DPP10: variants seen among roughly 807,000 people sequenced by gnomAD.
DPP10 encodes dipeptidyl peptidase like 10.
DPP10 carries 33 observed loss-of-function variants against 120.9 expected under a neutral mutation model. That is an observed-to-expected ratio of 0.27 (90% CI 0.21 to 0.37). The LOEUF (loss-of-function observed/expected upper bound fraction) is 0.37. Ranked by LOEUF, DPP10 falls within the 10% of genes least tolerant of loss-of-function variation. The pLI is 1.00. For synonymous variants in DPP10, 337 were observed against 326.1 expected, an observed-to-expected ratio of 1.03 and a Z score of -0.36; for missense variants, 816 against 942.8, an observed-to-expected ratio of 0.87 and a Z score of 1.76.
chr2:115,742,263 C>T (rs944765818), intron 9 of DPP10, among the ~76,000 whole-genome samples: 1 of 152,082 alleles, frequency 6.6e-6, no homozygotes, highest in African/African-American at 2.4e-5. Flanking sequence ...CACAGGTCAA[C>T]AATTTGTATT....
intron 3 of DPP10, among the ~76,000 whole-genome samples, chr2:115,348,735 C>G (rs181844016): frequency 1.3e-5 from 2 of 152,092 alleles, no homozygotes; most frequent in African/African-American, 4.8e-5. Context: ...ATTTTAAATA[C>G]ATTTGGGTTC....
At chr2:115,343,978 T>C in intron 3 of DPP10, 66 bp downstream of exon 3, 2 of 1,369,326 alleles carry the variant, frequency 1.5e-6, no homozygotes, top group South Asian at 2.8e-5. Flanking sequence ...TTTTAAAAAA[T>C]GAGATGTGTA....
chr2:114,786,540 T>A (rs1324285117), intron 1 of DPP10, among the ~76,000 whole-genome samples: 1 of 152,174 alleles, frequency 6.6e-6, no homozygotes, highest in Non-Finnish European at 1.5e-5. Flanking sequence ...AGCACAGATA[T>A]CCACAATTCT....
intron 1 of DPP10, among the ~76,000 whole-genome samples, chr2:114,792,461 A>C (rs1470549682): frequency 6.6e-6 from 1 of 152,238 alleles, no homozygotes; most frequent in Admixed American, 6.5e-5. Context: ...AAGTAGAACT[A>C]TTCTACAAAA....
At chr2:114,693,455 T>A (rs1699888435) in intron 1 of DPP10, among the ~76,000 whole-genome samples, 1 of 151,992 alleles carries the variant, frequency 6.6e-6, no homozygotes, top group Non-Finnish European at 1.5e-5. Flanking sequence ...CCACTGTTAG[T>A]CTGATGGCTT....
intron 1 of DPP10, among the ~76,000 whole-genome samples, chr2:115,300,928 T>C (rs949017916): frequency 6.6e-6 from 1 of 152,006 alleles, no homozygotes; most frequent in Non-Finnish European, 1.5e-5. Context: ...GAAAATTGGG[T>C]GTCTGAAAAA....
intron 1 of DPP10, among the ~76,000 whole-genome samples, chr2:114,942,287 GTATATATATACATA>G (rs1351651353): frequency 8.9e-6 from 1 of 112,804 alleles, no homozygotes; most frequent in African/African-American, 3.8e-5. Flanking sequence ...AAAAAAATGT[GTATATATATACATA>G]TATATATATA....
chr2:115,066,265 T>C (rs969880234), intron 1 of DPP10, among the ~76,000 whole-genome samples: 10 of 152,210 alleles, frequency 6.6e-5, no homozygotes, highest in African/African-American at 2.4e-4. Context: ...ATTGTAATTA[T>C]ATGCTTTAGG....
At chr2:114,755,512 T>C (rs756579407) in intron 1 of DPP10, among the ~76,000 whole-genome samples, 1 of 152,232 alleles carries the variant, frequency 6.6e-6, no homozygotes, top group Non-Finnish European at 1.5e-5. Flanking sequence ...CTGTTTTAGG[T>C]ACTTATAATC....
At chr2:115,719,235 G>A (rs1034300256) in intron 7 of DPP10, among the ~76,000 whole-genome samples, 1 of 152,122 alleles carries the variant, frequency 6.6e-6, no homozygotes, top group Non-Finnish European at 1.5e-5. Context: ...TTTAGGACTG[G>A]TAAGTGACTT....
chr2:114,508,288 C>G (rs1454760142), intron 1 of DPP10, among the ~76,000 whole-genome samples: 2 of 152,180 alleles, frequency 1.3e-5, no homozygotes, highest in Non-Finnish European at 2.9e-5. Context: ...GGTAACCACT[C>G]ATCTGTTTTT....
chr2:115,012,232 TC>T (rs1167058010), intron 1 of DPP10, among the ~76,000 whole-genome samples: 1 of 151,860 alleles, frequency 6.6e-6, no homozygotes, highest in Admixed American at 6.6e-5. Flanking sequence ...AAGGTCATAA[TC>T]CCTTGGGAGC....
intron 3 of DPP10, among the ~76,000 whole-genome samples, chr2:115,498,841 CA>C (rs1176228722): frequency 1.3e-5 from 2 of 151,562 alleles, no homozygotes; most frequent in Non-Finnish European, 2.9e-5. Context: ...AAACTTACCT[CA>C]AAAATATGTA....
At chr2:115,580,704 T>C (rs1273800975) in intron 5 of DPP10, among the ~76,000 whole-genome samples, 1 of 152,174 alleles carries the variant, frequency 6.6e-6, no homozygotes, top group African/African-American at 2.4e-5. Context: ...CACTCAAATA[T>C]CAACACTTTA....
intron 5 of DPP10, among the ~76,000 whole-genome samples, chr2:115,688,971 A>G (rs2091161413): frequency 6.6e-6 from 1 of 152,206 alleles, no homozygotes; most frequent in African/African-American, 2.4e-5. Context: ...CCATCACTCA[A>G]GAAATACCAG....
At chr2:115,669,693 C>T (rs1173144305) in intron 5 of DPP10, among the ~76,000 whole-genome samples, 2 of 152,038 alleles carry the variant, frequency 1.3e-5, no homozygotes, top group African/African-American at 4.8e-5. Flanking sequence ...ATAATGTTTG[C>T]TTCTGTTCCA....
chr2:114,822,249 G>A (rs1208094148), intron 1 of DPP10, among the ~76,000 whole-genome samples: 1 of 152,156 alleles, frequency 6.6e-6, no homozygotes. Context: ...AGGCTCAACA[G>A]CACTTGGAAG....
At chr2:114,701,951 T>C (rs1429696410) in intron 1 of DPP10, among the ~76,000 whole-genome samples, 1 of 152,140 alleles carries the variant, frequency 6.6e-6, no homozygotes, top group Non-Finnish European at 1.5e-5. Context: ...AGGTGATTAA[T>C]TCTCTAGTAA....
chr2:114,671,486 G>A (rs1698335917), intron 1 of DPP10, among the ~76,000 whole-genome samples: 1 of 152,120 alleles, frequency 6.6e-6, no homozygotes, highest in Non-Finnish European at 1.5e-5. Flanking sequence ...TATGCTTCAT[G>A]TACAACCTGC....
Sources: allele counts gnomAD v4.1 joint callset (sites outside exome capture counted in the v4.1 genomes callset), GRCh38; gene constraint gnomAD v4.1.1; transcripts MANE v1.5; gene names NCBI Gene and HGNC (gene_info 2026-07-23, HGNC 2026-07-21).